Variants in NOTCH2 observed in about 807,000 individuals in gnomAD.
The protein encoded by NOTCH2 is notch receptor 2.
NOTCH2 carries 29 observed loss-of-function variants against 235.8 expected under a neutral mutation model. The observed-to-expected ratio is 0.12, with a 90% confidence interval of 0.09 to 0.17. The LOEUF is 0.17. NOTCH2 is among the 10% of genes least tolerant of loss of function. NOTCH2 has a pLI of 1.00. For missense variants in NOTCH2, 2,285 were observed against 3,150.2 expected (o/e 0.73, Z 6.57); for synonymous variants, 1,086 against 1,141.5 (o/e 0.95, Z 0.98).
At chr1:119,922,603 G>A (rs772539171) in intron 27 of NOTCH2, 33 bp downstream of exon 27, 37 of 1,612,842 alleles carry the variant, frequency 2.3e-5, no homozygotes, top group Middle Eastern at 1.6e-4. Flanking sequence ...CTCTTCCCCC[G>A]CCACCTTTCC....
chr1:120,025,427 T>C lies in NOTCH2; in HGVS notation c.155+4479A>G, dbSNP rs587713254. On this transcript the variant is annotated intron_variant, in intron 2 of 33. Coordinates refer to ENST00000256646, the MANE Select transcript of NOTCH2 (RefSeq NM_024408.4). ...TCACATCTTGGGAATAAGAACCCTATCCCATGACTAAGATTTGTGTCATCG... is the reference window on the plus strand; with the variant it reads ...TCACATCTTGGGAATAAGAACCCTACCCCATGACTAAGATTTGTGTCATCG... Among the ~76,000 whole-genome samples, 11 of 152,032 alleles carry C rather than the reference T, an allele frequency of 7.2e-5. No homozygotes were observed. In the East Asian group the frequency reaches 2.1e-3, roughly 30 times the overall value.
intron 1 of NOTCH2, among the ~76,000 whole-genome samples, chr1:120,067,048 G>A (rs1231372488): frequency 6.6e-6 from 1 of 150,514 alleles, no homozygotes; most frequent in Admixed American, 6.6e-5. Context: ...CAGACATACT[G>A]CTAACATCTC....
In NOTCH2 at chr1:119,940,610, C is replaced by T. The variant is rs1553196325; in HGVS notation, c.3128G>A (p.Gly1043Asp). 3 of 1,614,050 alleles carry T rather than the reference C, an allele frequency of 1.9e-6. No individual in the cohort carries two copies. The highest frequency in any genetic ancestry group is 1.1e-5 in the South Asian group (1 of 91,074). The change falls in exon 19 of 34, where the codon GGC becomes GAC. Residue 1043 changes from glycine (G) to aspartate (D), a missense_variant. Physicochemically the swap from Gly to Asp is moderately conservative, Grantham distance 94. Coordinates refer to ENST00000256646, the MANE Select transcript of NOTCH2 (RefSeq NM_024408.4). ...GCAGCTGCAGCGGTAGGTACCCAGG[C>T]CATCAACACACGTTCCCTCATTCAG... is the stretch of plus-strand genomic sequence containing the variant. The part of the protein sequence containing the change: ...PCLNEGTCVD[G>D]LGTYRCSCPL...
rs775377042 is a variant in NOTCH2 at position 119,923,648 on chromosome 1, C to G, written c.4848G>C (p.Gln1616His). 2 of 1,614,028 alleles carry G rather than the reference C, an allele frequency of 1.2e-6. No homozygotes were observed. The highest frequency in any genetic ancestry group is 1.7e-6 in the Non-Finnish European group (2 of 1,179,990). ...TRRSLPGEQE[Q>H]EVAGSKVFLE... The stretch of plus-strand genomic sequence containing the variant: ...AACCAAACACCTACCCAGCCACCTC[C>G]TGTTCTTGTTCACCAGGAAGGGATC... The change falls in exon 26 of 34, where the codon CAG (glutamine) becomes CAC (histidine). Residue 1616 changes from glutamine to histidine, a missense_variant. Around this residue, in one of 6 missense-constraint regions of NOTCH2, gnomAD observed 1,173 missense variants for 1,515.3 expected, o/e 0.77. Coordinates refer to ENST00000256646, the MANE Select transcript of NOTCH2 (RefSeq NM_024408.4).
At chr1:119,934,230 G>C (rs1649769023) in intron 22 of NOTCH2, among the ~76,000 whole-genome samples, 1 of 152,178 alleles carries the variant, frequency 6.6e-6, no homozygotes, top group Non-Finnish European at 1.5e-5. Flanking sequence ...ACCATGAGTG[G>C]AAACAGCCTG....
At chr1:120,060,717 C>G (rs1655287577) in intron 1 of NOTCH2, among the ~76,000 whole-genome samples, 1 of 151,098 alleles carries the variant, frequency 6.6e-6, no homozygotes. Context: ...ACGAATAATT[C>G]TGTTGCTACG....
chr1:119,981,662 A>C (rs1163641802), intron 5 of NOTCH2, among the ~76,000 whole-genome samples: 1 of 152,130 alleles, frequency 6.6e-6, no homozygotes, highest in South Asian at 2.1e-4. Flanking sequence ...TTCCACCAAC[A>C]GCGCCACTAA....
intron 14 of NOTCH2, among the ~76,000 whole-genome samples, chr1:119,952,383 A>G (rs1281067979): frequency 6.6e-6 from 1 of 152,110 alleles, no homozygotes; most frequent in African/African-American, 2.4e-5. Flanking sequence ...ATAATATTAC[A>G]CTGTAATATA....
In NOTCH2 at chr1:119,922,270, G is replaced by A. The variant is rs1319985511; in HGVS notation, c.5179C>T (p.Arg1727Cys). Residue 1727 changes from arginine to cysteine, a missense_variant, in exon 28 of 34, where the codon CGT (arginine) becomes TGT (cysteine). By Grantham distance (180) the Arg-to-Cys change is radical. This residue lies in a region of NOTCH2 where 1,173 missense variants were observed against 1,515.3 expected (regional missense o/e 0.77). Transcript: ENST00000256646. ...ACAGCATCCTGTCCCACTGGCTCACGACGCTTGTGATTGCTTGCATCTCGG... is the reference window on the plus strand; with the variant it reads ...ACAGCATCCTGTCCCACTGGCTCACAACGCTTGTGATTGCTTGCATCTCGG... ...LRRDASNHKRREPVGQDAVGL... is the reference protein window; with the variant it reads ...LRRDASNHKRCEPVGQDAVGL... 2 of 1,614,016 alleles carry A rather than the reference G, an allele frequency of 1.2e-6. No individual in the cohort carries two copies. Among genetic ancestry groups the A allele is most frequent in the Admixed American group, 1.7e-5 (1 of 60,006 alleles).
In NOTCH2 at chr1:120,069,364, G is replaced by A. The variant is rs1570805519; in HGVS notation, c.43C>T (p.Leu15Phe). Residue 15 changes from leucine to phenylalanine, a missense_variant, in exon 1 of 34, where the codon CTC becomes TTC. Around this residue, in one of 6 missense-constraint regions of NOTCH2, gnomAD observed 37 missense variants for 31.4 expected, o/e 1.18. Transcript: ENST00000256646. ...GCGGGGGCCGCGCAGCACAGCCAGA[G>A]CGCCAGCAGCGCCCACAGCAGAGCG... The part of the protein sequence containing the change: ...RPALLWALLA[L>F]WLCCAAPAHA... The A allele has an allele frequency of 3.8e-6, 6 of 1,570,836 alleles. No homozygotes were observed. The highest frequency in any genetic ancestry group is 5.1e-6 in the Non-Finnish European group (6 of 1,166,924).
chr1:119,968,129 T>A lies in NOTCH2; in HGVS notation c.1212A>T (p.Pro404=). 6.2e-7 allele frequency: 1 copy of A among 1,614,116 alleles called. No homozygotes were observed. Among genetic ancestry groups the A allele is most frequent in the South Asian group, 1.1e-5 (1 of 91,084 alleles). ...PLNGQYICTC[P]QGYKGADCTE... ...TGCAGTCAGCCCCTTTGTAGCCTTGTGGGCAGGTGCAAATATATTGCCCAT... is the reference window on the plus strand; with the variant it reads ...TGCAGTCAGCCCCTTTGTAGCCTTGAGGGCAGGTGCAAATATATTGCCCAT... Residue 404 remains proline, a synonymous_variant, in exon 7 of 34, where the codon CCA becomes CCT. Coordinates refer to ENST00000256646, the MANE Select transcript of NOTCH2 (RefSeq NM_024408.4).
chr1:119,915,947 C>A lies in NOTCH2; in HGVS notation c.6775G>T (p.Val2259Leu). 2 of 1,614,156 alleles carry A rather than the reference C, an allele frequency of 1.2e-6. No individual in the cohort carries two copies. The highest frequency in any genetic ancestry group is 1.7e-6 in the Non-Finnish European group (2 of 1,180,042). ...VPADWMNRME[V>L]NETQYNEMFG... ...ATCTCATTGTACTGGGTCTCATTCA[C>A]CTCCATGCGGTTCATCCAATCTGCT... is the stretch of plus-strand genomic sequence containing the variant. The change falls in exon 34 of 34, where the codon GTG becomes TTG. Residue 2259 changes from valine (V) to leucine (L), a missense_variant. Transcript: ENST00000256646.
intron 1 of NOTCH2, among the ~76,000 whole-genome samples, chr1:120,064,814 T>C (rs1156980758): frequency 3.1e-4 from 46 of 148,972 alleles, no homozygotes; most frequent in Non-Finnish European, 5.9e-4. Context: ...CAGTACAAGT[T>C]TGCAATATCC....
In NOTCH2 at chr1:119,916,938, G is replaced by A. The variant is rs147284684; in HGVS notation, c.6028-244C>T. ...AAAAAACAATTTTGCCCCTTAGGGG[G>A]AACATCTCTTTAGTTGGGAATTCAT... is the stretch of plus-strand genomic sequence containing the variant. On this transcript the variant is annotated intron_variant, in intron 33 of 33. Coordinates refer to ENST00000256646, the MANE Select transcript of NOTCH2 (RefSeq NM_024408.4). Among the ~76,000 whole-genome samples the A allele has an allele frequency of 4.6e-4, 70 of 152,262 alleles. No individual in the cohort carries two copies. In the East Asian group the frequency reaches 0.013, roughly 28 times the overall value.
chr1:119,916,881 T>A (rs949132862), intron 33 of NOTCH2, among the ~76,000 whole-genome samples, 187 bp from the exon 34 acceptor site: 1 of 152,060 alleles, frequency 6.6e-6, no homozygotes, highest in Admixed American at 6.5e-5. Context: ...GATTTACACA[T>A]AAAAAAAGTA....
chr1:119,925,687 C>T lies in NOTCH2; in HGVS notation c.4129G>A (p.Gly1377Ser). The stretch of plus-strand genomic sequence containing the variant: ...TGCTGGCAGGGGCTACTGGCACAGC[C>T]TGACTCGCAGTCCCGGGGACTGGGG... ...FCPSPRDCES[G>S]CASSPCQHGG... The change falls in exon 25 of 34, where the codon GGC becomes AGC. Residue 1377 changes from glycine to serine, a missense_variant. Physicochemically the swap from Gly to Ser is moderately conservative, Grantham distance 56 (BLOSUM62 0). Coordinates refer to ENST00000256646, the MANE Select transcript of NOTCH2 (RefSeq NM_024408.4). 1.9e-6 allele frequency: 3 copies of T among 1,612,334 alleles called. No homozygotes were observed. The highest frequency in any genetic ancestry group is 2.2e-5 in the East Asian group (1 of 44,826).
chr1:119,932,358 C>T (rs1328730523), intron 22 of NOTCH2, among the ~76,000 whole-genome samples: 2 of 152,016 alleles, frequency 1.3e-5, no homozygotes, highest in African/African-American at 4.8e-5. Context: ...GAGGCTGAGG[C>T]GGGTGGATTG....
chr1:120,015,031 C>CA (rs1352623801), intron 2 of NOTCH2, among the ~76,000 whole-genome samples: 2,751 of 137,410 alleles, frequency 0.02, 1 homozygote, highest in African/African-American at 0.07. Flanking sequence ...TTTGGCCATT[C>CA]AAAAAAAAAC....
chr1:120,006,741 T>A (rs1342900811), intron 2 of NOTCH2, among the ~76,000 whole-genome samples: 1 of 151,852 alleles, frequency 6.6e-6, no homozygotes, highest in Non-Finnish European at 1.5e-5. Context: ...AACCAAACTC[T>A]AAATCCCCCT....
Sources: gnomAD v4.1 joint callset for allele counts (sites outside exome capture counted in the v4.1 genomes callset) on GRCh38, gnomAD v4.1.1 for gene constraint, gnomAD v4.1.1 regional missense constraint, MANE v1.5 for transcripts, NCBI Gene and HGNC (gene_info 2026-07-23, HGNC 2026-07-21) for gene names.